The following SNCAIP variants were observed in gnomAD, a reference collection of about 807,000 sequenced individuals.
SNCAIP encodes the protein synphilin-1.
Under a neutral mutation model 86.7 loss-of-function variants are expected in SNCAIP, and 43 were observed. That is an observed-to-expected ratio of 0.50 (90% CI 0.39 to 0.64). SNCAIP has a LOEUF of 0.64. SNCAIP is among the 30% of genes least tolerant of loss of function. The pLI, the probability that SNCAIP is intolerant of heterozygous loss-of-function variation, is 0.00. For missense variants in SNCAIP, 981 were observed against 1,103.1 expected, an observed-to-expected ratio of 0.89 and a Z score of 1.57; for synonymous variants, 417 against 427.2, an observed-to-expected ratio of 0.98 and a Z score of 0.29.
At chr5:122,354,451 C>T (rs940750962) in intron 1 of SNCAIP, among the ~76,000 whole-genome samples, 1 of 152,180 alleles carries the variant, frequency 6.6e-6, no homozygotes, top group African/African-American at 2.4e-5. Flanking sequence ...CGGGTAGACT[C>T]ATTCACATCA....
chr5:122,444,344 C>A, intron 7 of SNCAIP: 1 of 604,304 alleles, frequency 1.7e-6, no homozygotes, highest in South Asian at 1.8e-5. Flanking sequence ...GCCTCCTCCT[C>A]TCCTTCCCAG....
rs138537541 is a variant in SNCAIP at position 122,452,216 on chromosome 5, A to C, written c.2754+615A>C. On this transcript the variant is annotated intron_variant, in intron 10 of 10. Coordinates refer to ENST00000261368, the MANE Select transcript of SNCAIP (RefSeq NM_005460.4). ...ACAGGGGATGGCAGAGTATGCCATG[A>C]ACTACATTTTATAATTGCCTTCACT... Among the ~76,000 whole-genome samples, 6 of 152,340 alleles carry C rather than the reference A, an allele frequency of 3.9e-5. No homozygotes were observed. The East Asian group carries it at 1.2e-3, about 29-fold the overall frequency.
At chr5:122,440,820 T>G in intron 7 of SNCAIP, 66 bp downstream of exon 7, 2 of 1,398,784 alleles carry the variant, frequency 1.4e-6, no homozygotes, top group African/African-American at 2.8e-5. Flanking sequence ...AACATTAAAA[T>G]TATGTTCACT....
intron 2 of SNCAIP, among the ~76,000 whole-genome samples, chr5:122,397,355 TACTAA>T (rs1291723677): frequency 6.6e-6 from 1 of 152,176 alleles, no homozygotes; most frequent in Non-Finnish European, 1.5e-5. Context: ...TTACCACATT[TACTAA>T]GTGGATCTTC....
chr5:122,368,247 G>A (rs566706232), intron 1 of SNCAIP, among the ~76,000 whole-genome samples: 4 of 152,144 alleles, frequency 2.6e-5, no homozygotes, highest in South Asian at 2.1e-4. Context: ...AAATGGTTTC[G>A]CTGAGTACCA....
intron 3 of SNCAIP, among the ~76,000 whole-genome samples, chr5:122,404,708 G>A (rs138617839): frequency 0.011 from 1,687 of 152,218 alleles, 14 homozygotes; most frequent in Non-Finnish European, 0.015. Context: ...TATGTGTATT[G>A]TGTTTAAAAA....
intron 1 of SNCAIP, among the ~76,000 whole-genome samples, chr5:122,335,493 C>G (rs1756256553): frequency 6.6e-6 from 1 of 152,138 alleles, no homozygotes; most frequent in African/African-American, 2.4e-5. Context: ...GTAAAGGGAG[C>G]CTGACTGCCA....
intron 8 of SNCAIP, among the ~76,000 whole-genome samples, chr5:122,448,670 T>TTATATATGTTATATATATATTA (rs1782972798): frequency 1.0e-5 from 1 of 97,566 alleles, no homozygotes; most frequent in African/African-American, 3.1e-5. Context: ...ATTATATATA[T>TTATATATGTTATATATATATTA]TATATATGTT....
At chr5:122,409,436 T>G (rs1049082043) in intron 3 of SNCAIP, among the ~76,000 whole-genome samples, 3 of 152,258 alleles carry the variant, frequency 2.0e-5, no homozygotes, top group African/African-American at 7.2e-5. Flanking sequence ...ATATTAATAC[T>G]GCTTCACATC....
chr5:122,312,387 C>T (rs1466144000), intron 1 of SNCAIP, 103 bp downstream of exon 1: 1 of 152,386 alleles, frequency 6.6e-6, no homozygotes, highest in East Asian at 2.0e-4. Flanking sequence ...GGGTGTCGCC[C>T]CGTGCTCCCC....
intron 1 of SNCAIP, among the ~76,000 whole-genome samples, chr5:122,327,094 T>C (rs1274345423): frequency 6.6e-6 from 1 of 152,046 alleles, no homozygotes; most frequent in Non-Finnish European, 1.5e-5. Context: ...TTAGATTTCA[T>C]TTCTTTTTAT....
rs1318430902 is a variant in SNCAIP at position 122,423,728 on chromosome 5, A to G, written c.991A>G (p.Ile331Val). The G allele has an allele frequency of 6.2e-7, 1 of 1,600,826 alleles. No individual in the cohort carries two copies. The highest frequency in any genetic ancestry group is 1.1e-5 in the South Asian group (1 of 91,010). The change falls in exon 4 of 11, where the codon ATC becomes GTC. Residue 331 changes from isoleucine (I) to valine (V), a missense_variant. Ile to Val is a conservative substitution (Grantham distance 29). Transcript: ENST00000261368. Reference protein sequence around the residue: ...SILNIVKEGQISLLPHLAADN... With the variant: ...SILNIVKEGQVSLLPHLAADN... Reference sequence around the variant, plus strand: ...CTTGAACATTGTTAAAGAAGGACAGATCTCTCTCCTGGTAAGTATAATCTA... The same window carrying G: ...CTTGAACATTGTTAAAGAAGGACAGGTCTCTCTCCTGGTAAGTATAATCTA...
chr5:122,365,548 G>A (rs1379037893), intron 1 of SNCAIP, among the ~76,000 whole-genome samples: 3 of 152,152 alleles, frequency 2.0e-5, no homozygotes, highest in African/African-American at 7.2e-5. Flanking sequence ...GCGTGGTGAC[G>A]CATGCCTGTA....
chr5:122,398,020 A>G lies in SNCAIP; in HGVS notation c.58-5773A>G, dbSNP rs186417556. Among the ~76,000 whole-genome samples the G allele has an allele frequency of 2.5e-4, 38 of 152,304 alleles. No homozygotes were observed. The East Asian group carries it at 7.1e-3, about 29-fold the overall frequency. On this transcript the variant is annotated intron_variant, in intron 2 of 10. Transcript: ENST00000261368. Reference sequence around the variant, plus strand: ...CCCCCTTGGTGGCCCTAGTAAGCACAGTATCTATTGAGTGGTGGGCAGAAT... The same window carrying G: ...CCCCCTTGGTGGCCCTAGTAAGCACGGTATCTATTGAGTGGTGGGCAGAAT...
At chr5:122,324,465 C>T (rs953288079) in intron 1 of SNCAIP, among the ~76,000 whole-genome samples, 1 of 152,140 alleles carries the variant, frequency 6.6e-6, no homozygotes, top group East Asian at 1.9e-4. Flanking sequence ...TCAATGTATA[C>T]GAGTATCTTT....
At chr5:122,420,777 G>T (rs1776218848) in intron 3 of SNCAIP, among the ~76,000 whole-genome samples, 1 of 152,130 alleles carries the variant, frequency 6.6e-6, no homozygotes, top group East Asian at 1.9e-4. Context: ...TATTTTTAGA[G>T]AGAAAAGTTC....
intron 3 of SNCAIP, among the ~76,000 whole-genome samples, chr5:122,413,200 A>G (rs1774514403): frequency 6.6e-6 from 1 of 152,208 alleles, no homozygotes; most frequent in Non-Finnish European, 1.5e-5. Flanking sequence ...TATGGCCAAT[A>G]AAATCCCCAA....
rs371140719 is a variant in SNCAIP at position 122,406,508 on chromosome 5, A to G, written c.130+2643A>G. 5.3e-5 allele frequency among the ~76,000 whole-genome samples: 8 copies of G among 152,150 alleles called. 1 individual carries two copies. Among genetic ancestry groups the G allele is most frequent in the Admixed American group, 2.0e-4 (3 of 15,280 alleles). On this transcript the variant is annotated intron_variant, in intron 3 of 10. Transcript: ENST00000261368. ...ACCTCATGTTGAATGGTAAACCCTA[A>G]TGTTGGAGGCGGTGCCTGGTGGGAG...
At chr5:122,409,987 GATCT>G (rs1023615275) in intron 3 of SNCAIP, among the ~76,000 whole-genome samples, 36 of 152,258 alleles carry the variant, frequency 2.4e-4, no homozygotes, top group African/African-American at 8.7e-4. Context: ...CATTTTCTAA[GATCT>G]CAATCAAGAA....
Sources: allele counts gnomAD v4.1 joint callset (sites outside exome capture counted in the v4.1 genomes callset), GRCh38; gene constraint gnomAD v4.1.1; transcripts MANE v1.5; gene names NCBI Gene and HGNC (gene_info 2026-07-23, HGNC 2026-07-21).